CCSER1: variants seen among roughly 807,000 people sequenced by gnomAD.
CCSER1 encodes serine-rich coiled-coil domain-containing protein 1.
A neutral mutation model predicts 82.0 loss-of-function variants in CCSER1; 41 were observed. That is an observed-to-expected ratio of 0.50 (90% CI 0.39 to 0.65). CCSER1 has a LOEUF of 0.65. Among genes scored for constraint, CCSER1 ranks in the 30% least tolerant of loss-of-function variants. CCSER1 has a pLI of 0.00. For missense variants in CCSER1, 1,119 were observed against 1,064.2 expected (o/e 1.05, Z -0.72); for synonymous variants, 414 against 383.9 (o/e 1.08, Z -0.92).
intron 10 of CCSER1, among the ~76,000 whole-genome samples, chr4:91,332,958 C>T (rs1451758567): frequency 6.6e-6 from 1 of 152,030 alleles, no homozygotes; most frequent in Non-Finnish European, 1.5e-5. Flanking sequence ...TTCACTGTCT[C>T]ACATGCAACT....
chr4:90,544,731 G>A (rs1232091411), intron 5 of CCSER1, among the ~76,000 whole-genome samples: 2 of 152,016 alleles, frequency 1.3e-5, no homozygotes, highest in Non-Finnish European at 2.9e-5. Flanking sequence ...AGAGTATCTG[G>A]TATGATCCAA....
intron 10 of CCSER1, among the ~76,000 whole-genome samples, chr4:91,292,454 A>T (rs1212930813): frequency 6.6e-6 from 1 of 152,030 alleles, no homozygotes; most frequent in Non-Finnish European, 1.5e-5. Context: ...GATTACTCAG[A>T]CAACCCAAAA....
At position 90,480,023 on chromosome 4, in the gene CCSER1, T is replaced by G. The variant is rs570274567; in HGVS notation, c.1724+11669T>G. Among the ~76,000 whole-genome samples, 16 of 152,292 alleles carry G rather than the reference T, an allele frequency of 1.1e-4. No homozygotes were observed. In the East Asian group the frequency reaches 3.1e-3, roughly 29 times the overall value. ...GTCAAAGTGTTCCTATTTCTCCACA[T>G]CCTCTCCAGCACCTGTTGTTTCCTG... On this transcript the variant is annotated intron_variant, in intron 5 of 10. Transcript: ENST00000509176.
intron 5 of CCSER1, among the ~76,000 whole-genome samples, chr4:90,514,940 C>G (rs960945227): frequency 1.3e-5 from 2 of 151,180 alleles, no homozygotes; most frequent in Non-Finnish European, 2.9e-5. Context: ...TCACTGCAAC[C>G]TCTGCCTCTC....
intron 1 of CCSER1, among the ~76,000 whole-genome samples, chr4:90,296,727 C>T (rs1415985281): frequency 6.6e-6 from 1 of 152,156 alleles, no homozygotes; most frequent in Non-Finnish European, 1.5e-5. Context: ...CCAGTTTCCC[C>T]AGCACCATTT....
intron 7 of CCSER1, among the ~76,000 whole-genome samples, chr4:90,749,609 A>G (rs1748211558): frequency 6.6e-6 from 1 of 152,156 alleles, no homozygotes; most frequent in East Asian, 1.9e-4. Context: ...ATGACATTGA[A>G]TCTGTAAATT....
At chr4:91,290,586 A>C (rs1267199743) in intron 10 of CCSER1, among the ~76,000 whole-genome samples, 1 of 151,998 alleles carries the variant, frequency 6.6e-6, no homozygotes, top group Non-Finnish European at 1.5e-5. Context: ...AACTATTAAA[A>C]TATGAATGAT....
intron 10 of CCSER1, among the ~76,000 whole-genome samples, chr4:91,356,544 T>C (rs993421785): frequency 2.0e-5 from 3 of 152,198 alleles, no homozygotes; most frequent in Admixed American, 2.0e-4. Context: ...TTATTTTTTT[T>C]CCTCTGGCTG....
intron 6 of CCSER1, among the ~76,000 whole-genome samples, chr4:90,709,949 T>TG (rs929787157): frequency 6.6e-6 from 1 of 150,832 alleles, no homozygotes; most frequent in African/African-American, 2.4e-5. Context: ...AGCATCTGTT[T>TG]TTTTTTTTTT....
At chr4:90,442,904 C>T (rs1760106895) in intron 4 of CCSER1, among the ~76,000 whole-genome samples, 1 of 152,058 alleles carries the variant, frequency 6.6e-6, no homozygotes, top group Non-Finnish European at 1.5e-5. Context: ...CACAAGGTCT[C>T]AGTTCTTACC....
intron 10 of CCSER1, among the ~76,000 whole-genome samples, chr4:91,360,143 A>G (rs1354985175): frequency 6.6e-6 from 1 of 151,828 alleles, no homozygotes; most frequent in Non-Finnish European, 1.5e-5. Context: ...TTGAAAGAGT[A>G]TTTAGAAATC....
At chr4:91,496,673 ATATATTTGAATAT>A (rs1488537995) in intron 10 of CCSER1, among the ~76,000 whole-genome samples, 2 of 19,932 alleles carry the variant, frequency 1.0e-4, no homozygotes, top group African/African-American at 2.3e-4. Context: ...TATATATTCA[ATATATTTGAATAT>A]ATATATATTC....
intron 7 of CCSER1, among the ~76,000 whole-genome samples, chr4:90,766,610 G>C (rs1299534013): frequency 6.6e-6 from 1 of 151,930 alleles, no homozygotes; most frequent in East Asian, 1.9e-4. Context: ...TGCCACTGCT[G>C]GGTGACAAAG....
chr4:90,166,804 A>G (rs188663725), intron 1 of CCSER1, among the ~76,000 whole-genome samples: 197 of 152,150 alleles, frequency 1.3e-3, no homozygotes, highest in Non-Finnish European at 2.1e-3. Context: ...AGCTCATTGT[A>G]TACTAATGTG....
intron 10 of CCSER1, among the ~76,000 whole-genome samples, chr4:91,285,132 A>G (rs912499100): frequency 2.0e-5 from 3 of 151,896 alleles, no homozygotes; most frequent in African/African-American, 7.2e-5. Flanking sequence ...TTCTTTTCAT[A>G]GGTCTCTCTA....
intron 5 of CCSER1, among the ~76,000 whole-genome samples, chr4:90,479,087 CTG>C (rs1185350221): frequency 1.3e-5 from 2 of 151,972 alleles, no homozygotes; most frequent in Non-Finnish European, 2.9e-5. Flanking sequence ...ATCTGACACA[CTG>C]TGAAATCATT....
At chr4:90,785,308 C>A (rs1452892033) in intron 7 of CCSER1, among the ~76,000 whole-genome samples, 1 of 152,106 alleles carries the variant, frequency 6.6e-6, no homozygotes, top group Non-Finnish European at 1.5e-5. Context: ...AAATTACAGG[C>A]ATGAGCCACC....
chr4:90,961,176 C>G (rs560408002), intron 9 of CCSER1, among the ~76,000 whole-genome samples: 1 of 152,248 alleles, frequency 6.6e-6, no homozygotes, highest in South Asian at 2.1e-4. Flanking sequence ...AATTGCTTAC[C>G]TGTCATCATG....
chr4:90,801,399 A>G (rs148257784), intron 7 of CCSER1, among the ~76,000 whole-genome samples: 143 of 152,284 alleles, frequency 9.4e-4, no homozygotes, highest in African/African-American at 2.4e-3. Flanking sequence ...TTTTTAAATG[A>G]TAAAGCCTCT....
Sources: gnomAD v4.1 joint callset for allele counts (sites outside exome capture counted in the v4.1 genomes callset) on GRCh38, gnomAD v4.1.1 for gene constraint, MANE v1.5 for transcripts, NCBI Gene and HGNC (gene_info 2026-07-23, HGNC 2026-07-21) for gene names.